The following SMARCA2 variants were observed in gnomAD, a reference collection of about 807,000 sequenced individuals.
SMARCA2 encodes SWI/SNF related BAF chromatin remodeling complex subunit ATPase 2.
In SMARCA2, 61 loss-of-function variants were observed where a neutral mutation model predicts 199.8. The observed-to-expected ratio is 0.31, with a 90% CI of 0.25 to 0.38. The LOEUF (loss-of-function observed/expected upper bound fraction) is 0.38. SMARCA2 is among the 10% of genes least tolerant of loss of function. SMARCA2 has a pLI of 1.00. For synonymous variants in SMARCA2, 935 were observed against 732.0 expected (o/e 1.28, Z -4.48); for missense variants, 1,344 against 2,012.2 (o/e 0.67, Z 6.35).
At chr9:2,070,753 G>C (rs759821605) in intron 10 of SMARCA2, among the ~76,000 whole-genome samples, 1 of 152,138 alleles carries the variant, frequency 6.6e-6, no homozygotes, top group Non-Finnish European at 1.5e-5. Context: ...AAATATATAG[G>C]ATGTGTAAGA....
chr9:2,161,563 T>A lies in SMARCA2; in HGVS notation c.3982-123T>A. ...CCACTGATTACTGTTAACTTTTACTTTTTTTTGGTTAATTTCTTTCATTTT... is the reference window on the plus strand; with the variant it reads ...CCACTGATTACTGTTAACTTTTACTATTTTTTGGTTAATTTCTTTCATTTT... On this transcript the variant is annotated intron_variant, in intron 27 of 33. Coordinates refer to ENST00000349721, the MANE Select transcript of SMARCA2 (RefSeq NM_003070.5). The surrounding 1 kb of genome is among the most constrained non-coding windows in gnomAD (Gnocchi z 4.7). 1 of 690,492 alleles carries A rather than the reference T, an allele frequency of 1.4e-6. No homozygotes were observed. Among genetic ancestry groups the A allele is most frequent in the Non-Finnish European group, 2.4e-6 (1 of 412,698 alleles). 42.8% of individuals were successfully genotyped at this position (690,492 alleles called of 1,614,324 possible).
chr9:2,103,868 C>A, intron 22 of SMARCA2, 135 bp from the exon 23 acceptor site: 1 of 659,116 alleles, frequency 1.5e-6, no homozygotes, highest in South Asian at 2.3e-5. Flanking sequence ...CATATTCATT[C>A]ATTCATTCAT....
chr9:2,049,492 T>C (rs1820025186), intron 5 of SMARCA2, among the ~76,000 whole-genome samples: 1 of 152,244 alleles, frequency 6.6e-6, no homozygotes, highest in East Asian at 1.9e-4. Flanking sequence ...TGGCAATTTT[T>C]CATAGTATTA....
intron 27 of SMARCA2, among the ~76,000 whole-genome samples, chr9:2,133,275 A>T (rs1824043198): frequency 6.6e-6 from 1 of 152,200 alleles, no homozygotes; most frequent in South Asian, 2.1e-4. Flanking sequence ...GTCTATCTGA[A>T]TCAAGATTTG....
At chr9:2,021,731 G>A (rs918025626) in intron 1 of SMARCA2, among the ~76,000 whole-genome samples, 4 of 152,176 alleles carry the variant, frequency 2.6e-5, no homozygotes, top group Non-Finnish European at 5.9e-5. Flanking sequence ...TAATTTATGT[G>A]TCTTAAAGAA....
intron 27 of SMARCA2, among the ~76,000 whole-genome samples, chr9:2,126,112 G>T (rs1280595706): frequency 6.6e-6 from 1 of 152,196 alleles, no homozygotes; most frequent in African/African-American, 2.4e-5. Flanking sequence ...AGTGTTAGGA[G>T]AGCATTTCTC....
chr9:2,167,564 G>A (rs1043239042), intron 28 of SMARCA2, among the ~76,000 whole-genome samples: 2 of 152,160 alleles, frequency 1.3e-5, no homozygotes, highest in African/African-American at 4.8e-5. Context: ...GGCACAGAGG[G>A]GTGGCAGCCA....
At chr9:2,051,630 G>T (rs910539015) in intron 5 of SMARCA2, among the ~76,000 whole-genome samples, 3 of 152,180 alleles carry the variant, frequency 2.0e-5, no homozygotes, top group African/African-American at 4.8e-5. Flanking sequence ...GACCCACTTT[G>T]TCAAAGAGAG....
At chr9:2,047,701 G>C (rs1442786617) in intron 5 of SMARCA2, 5 of 361,476 alleles carry the variant, frequency 1.4e-5, no homozygotes, top group African/African-American at 6.4e-5. Context: ...GTGGACCCGA[G>C]AGAGTGATCA....
intron 1 of SMARCA2, among the ~76,000 whole-genome samples, chr9:2,020,515 G>C (rs559289806): frequency 1.3e-5 from 2 of 152,226 alleles, no homozygotes; most frequent in Non-Finnish European, 2.9e-5. Flanking sequence ...AGGGACTATA[G>C]GAGTCTAAAA....
Position 2,186,149 on chromosome 9 carries a change from A to T in SMARCA2, c.4515A>T (p.Lys1505Asn). Residue 1505 changes from lysine to asparagine, a missense_variant, in exon 32 of 34, where the codon AAA becomes AAT. Lys to Asn is a moderately conservative substitution (Grantham distance 94). Coordinates refer to ENST00000349721, the MANE Select transcript of SMARCA2 (RefSeq NM_003070.5). The stretch of plus-strand genomic sequence containing the variant: ...CAGTGTTTAAGAGTGCCCGGCAGAA[A>T]ATTGCCAAAGAGGAAGAGAGTGAGG... ...LQSVFKSARQ[K>N]IAKEEESEDE... is the part of the protein sequence containing the mutation. 1 of 1,614,078 alleles carries T rather than the reference A, an allele frequency of 6.2e-7. No individual in the cohort carries two copies. Among genetic ancestry groups the T allele is most frequent in the Non-Finnish European group, 8.5e-7 (1 of 1,179,938 alleles).
rs530276913 is a variant in SMARCA2 at position 2,193,009 on chromosome 9, G to C, written c.*270G>C. On this transcript the variant is annotated 3_prime_UTR_variant, in exon 34 of 34. Coordinates refer to ENST00000349721, the MANE Select transcript of SMARCA2 (RefSeq NM_003070.5). ...AGCTTTTGATGGAAAATATGTGGGT[G>C]GATAGTATATTTCTATGGGTGGGTC... 8.1e-5 allele frequency: 34 copies of C among 421,050 alleles called. No homozygotes were observed. The South Asian group carries it at 1.4e-3, about 17-fold the overall frequency. 26.1% of individuals were successfully genotyped at this position (421,050 alleles called of 1,614,324 possible). A position where few individuals can be genotyped will look rare whatever the true frequency, so the allele number is the denominator to read the frequency against.
chr9:2,019,379 AG>A (rs1194974168), intron 1 of SMARCA2, among the ~76,000 whole-genome samples: 2 of 152,060 alleles, frequency 1.3e-5, no homozygotes, highest in Non-Finnish European at 1.5e-5. Context: ...TCACCACAAG[AG>A]CATGTTCAAA....
intron 31 of SMARCA2, among the ~76,000 whole-genome samples, chr9:2,183,495 A>C (rs1010560391): frequency 6.6e-6 from 1 of 152,226 alleles, no homozygotes; most frequent in African/African-American, 2.4e-5. Context: ...CTCTGGCCTG[A>C]TGCCTTCAGA....
chr9:2,057,151 C>T (rs1156650656), intron 7 of SMARCA2, among the ~76,000 whole-genome samples: 2 of 152,216 alleles, frequency 1.3e-5, no homozygotes, highest in Admixed American at 6.5e-5. Context: ...TGATGAGCAA[C>T]AGAAGTTTAT....
At position 2,039,793 on chromosome 9, in the gene SMARCA2, A is replaced by C. The variant is rs62534884; in HGVS notation, c.683A>C (p.Gln228Pro). The C allele has an allele frequency of 0.048, 76,161 of 1,595,690 alleles. 1,950 individuals are homozygous for C. The highest frequency in any genetic ancestry group is 0.065 in the Middle Eastern group (391 of 5,970). ...QQQQQQQQQQQQQQQQQQQQQ... is the reference protein window; with the variant it reads ...QQQQQQQQQQPQQQQQQQQQQ... ...CAGCAGCAACAGCAGCAGCAGCAGC[A>C]GCAGCAGCAGCAGCAGCAGCAGCAA... The change falls in exon 4 of 34, where the codon CAG becomes CCG. Residue 228 changes from glutamine to proline, a missense_variant. Around this residue, in one of 18 missense-constraint regions of SMARCA2, gnomAD observed 117 missense variants for 99.1 expected, o/e 1.18. Coordinates refer to ENST00000349721, the MANE Select transcript of SMARCA2 (RefSeq NM_003070.5). The surrounding 1 kb of genome is among the most constrained non-coding windows in gnomAD (Gnocchi z 4.8).
At chr9:2,156,051 T>G (rs1391950376) in intron 27 of SMARCA2, among the ~76,000 whole-genome samples, 1 of 152,204 alleles carries the variant, frequency 6.6e-6, no homozygotes, top group Admixed American at 6.5e-5. Context: ...ATGGGAAGCA[T>G]TTGTTAACAA....
At chr9:2,164,620 G>A (rs1825851538) in intron 28 of SMARCA2, among the ~76,000 whole-genome samples, 1 of 152,216 alleles carries the variant, frequency 6.6e-6, no homozygotes, top group Non-Finnish European at 1.5e-5. Context: ...CAGAAAGAAA[G>A]TGTCCTTGCT....
intron 26 of SMARCA2, among the ~76,000 whole-genome samples, chr9:2,122,096 C>G (rs1241058022): frequency 6.6e-6 from 1 of 152,070 alleles, no homozygotes; most frequent in Non-Finnish European, 1.5e-5. Flanking sequence ...CTTATGTAAT[C>G]GAATCTACCT....
Sources: allele counts gnomAD v4.1 joint callset (sites outside exome capture counted in the v4.1 genomes callset), GRCh38; gene constraint gnomAD v4.1.1; regional missense constraint gnomAD v4.1.1; non-coding constraint Gnocchi (gnomAD v3.1); transcripts MANE v1.5; gene names NCBI Gene and HGNC (gene_info 2026-07-23, HGNC 2026-07-21).